Variants in KLF9 observed in about 807,000 individuals in gnomAD.
KLF9 encodes KLF transcription factor 9, also known as Krueppel-like factor 9.
KLF9 carries 2 observed loss-of-function variants against 17.3 expected under a neutral mutation model. The ratio of observed to expected loss-of-function variants is 0.12; its 90% CI spans 0.05 to 0.36. The LOEUF (loss-of-function observed/expected upper bound fraction) is 0.36, where lower values mean the gene tolerates loss of function less well. Among genes scored for constraint, KLF9 ranks in the 10% least tolerant of loss-of-function variants. The pLI is 1.00. For missense variants in KLF9, 226 were observed against 333.2 expected (o/e 0.68, Z 2.51); for synonymous variants, 138 against 139.2 (o/e 0.99, Z 0.06).
intron 1 of KLF9, among the ~76,000 whole-genome samples, chr9:70,408,984 C>CTA (rs559953663): frequency 4.7e-4 from 47 of 99,392 alleles, no homozygotes; most frequent in African/African-American, 9.5e-4. Flanking sequence ...TCCTTTTGCA[C>CTA]TATATATATA....
intron 1 of KLF9, among the ~76,000 whole-genome samples, chr9:70,406,904 A>G (rs2037259768): frequency 6.6e-6 from 1 of 151,946 alleles, no homozygotes; most frequent in Admixed American, 6.6e-5. Context: ...AGAGAGAAAA[A>G]AAAAAAAAGA....
chr9:70,409,308 C>T (rs1244377119), intron 1 of KLF9, among the ~76,000 whole-genome samples: 1 of 148,932 alleles, frequency 6.7e-6, no homozygotes, highest in African/African-American at 2.5e-5. Context: ...AATCCTATAA[C>T]CAGTGTTATC....
At chr9:70,412,555 G>A (rs777062568) in intron 1 of KLF9, among the ~76,000 whole-genome samples, 1 of 152,150 alleles carries the variant, frequency 6.6e-6, no homozygotes, top group South Asian at 2.1e-4. Context: ...CGCGGGGTGC[G>A]GGAGAGTCCC....
intron 1 of KLF9, among the ~76,000 whole-genome samples, chr9:70,395,107 T>C (rs567031249): frequency 6.6e-6 from 1 of 152,176 alleles, no homozygotes; most frequent in Non-Finnish European, 1.5e-5. Flanking sequence ...ATAATTAAGA[T>C]AGTGAGATAG....
chr9:70,394,723 T>C (rs962299656), intron 1 of KLF9, among the ~76,000 whole-genome samples: 6 of 152,236 alleles, frequency 3.9e-5, no homozygotes, highest in Admixed American at 3.9e-4. Context: ...CATTCACAGA[T>C]GTAACTGTAC....
rs2037362935 is a variant in KLF9 at position 70,414,426 on chromosome 9, T to A, written c.-1063A>T. The A allele has an allele frequency of 6.6e-6, 1 of 152,228 alleles. No individual in the cohort carries two copies. The highest frequency in any genetic ancestry group is 2.1e-4 in the South Asian group (1 of 4,830). 9.4% of individuals were successfully genotyped at this position (152,228 alleles called of 1,614,324 possible). ...CCAATCAAAAGTAAGTTGGTTGATGTCACTGGCATTGGCTCGGCCAATCAC... is the reference window on the plus strand; with the variant it reads ...CCAATCAAAAGTAAGTTGGTTGATGACACTGGCATTGGCTCGGCCAATCAC... On this transcript the variant is annotated 5_prime_UTR_variant, in exon 1 of 2. An upstream open reading frame in the 5' UTR loses its in-frame stop. Transcript: ENST00000377126.
intron 1 of KLF9, among the ~76,000 whole-genome samples, chr9:70,403,986 G>C (rs537586854): frequency 6.6e-6 from 1 of 152,214 alleles, no homozygotes; most frequent in Non-Finnish European, 1.5e-5. Flanking sequence ...GGAAACTCAA[G>C]GGGTCCAGAT....
At chr9:70,397,821 A>G (rs905647835) in intron 1 of KLF9, among the ~76,000 whole-genome samples, 1 of 152,152 alleles carries the variant, frequency 6.6e-6, no homozygotes, top group Admixed American at 6.5e-5. Context: ...GTCCATCACC[A>G]TCTGGCTTCT....
chr9:70,404,854 A>G (rs2037245878), intron 1 of KLF9, among the ~76,000 whole-genome samples: 1 of 152,208 alleles, frequency 6.6e-6, no homozygotes, highest in Non-Finnish European at 1.5e-5. Flanking sequence ...CAGAGAAGGT[A>G]AGTAGAGCCT....
At chr9:70,396,696 G>A (rs2037183721) in intron 1 of KLF9, among the ~76,000 whole-genome samples, 1 of 152,144 alleles carries the variant, frequency 6.6e-6, no homozygotes, top group African/African-American at 2.4e-5. Flanking sequence ...CTATCTACCA[G>A]TGAGGAGATA....
intron 1 of KLF9, among the ~76,000 whole-genome samples, chr9:70,409,072 GTATATATATACACATATA>G (rs1564089197): frequency 0.029 from 2,950 of 102,276 alleles, 216 homozygotes; most frequent in Non-Finnish European, 0.046. Context: ...ATATATATGT[GTATATATATACACATATA>G]TGTATATATA....
chr9:70,400,014 A>C (rs2037210884), intron 1 of KLF9, among the ~76,000 whole-genome samples: 1 of 152,220 alleles, frequency 6.6e-6, no homozygotes, highest in South Asian at 2.1e-4. Context: ...AGAGGTCTCT[A>C]AGAAATATCC....
intron 1 of KLF9, among the ~76,000 whole-genome samples, chr9:70,401,759 A>G (rs1455395819): frequency 1.3e-5 from 2 of 151,656 alleles, no homozygotes; most frequent in South Asian, 2.1e-4. Flanking sequence ...TCACGCCTGT[A>G]ATCCCAGCAC....
chr9:70,401,569 C>A (rs28866317), intron 1 of KLF9, among the ~76,000 whole-genome samples: 5,624 of 151,278 alleles, frequency 0.037, 146 homozygotes, highest in African/African-American at 0.071. Flanking sequence ...CACCTGTAAT[C>A]CCAGCTACTT....
chr9:70,401,684 C>T (rs80098711), intron 1 of KLF9, among the ~76,000 whole-genome samples: 1 of 50,940 alleles, frequency 2.0e-5, no homozygotes, highest in African/African-American at 1.3e-4. Flanking sequence ...AAGACTCCTT[C>T]ACAAAAAAAA....
intron 1 of KLF9, 84 bp downstream of exon 1, chr9:70,412,775 G>C (rs2118933397): frequency 1.5e-6 from 2 of 1,297,742 alleles, no homozygotes; most frequent in Admixed American, 2.3e-5. Context: ...TCGGCCGAGT[G>C]CAGTGTCCCG....
intron 1 of KLF9, among the ~76,000 whole-genome samples, chr9:70,410,685 T>A (rs2037305525): frequency 6.6e-6 from 1 of 152,156 alleles, no homozygotes; most frequent in Non-Finnish European, 1.5e-5. Context: ...CCAAATGCCA[T>A]CTCTGCCCAC....
chr9:70,387,629 A>G lies in KLF9; in HGVS notation c.*147T>C. 1.5e-6 allele frequency: 1 copy of G among 658,688 alleles called. No individual in the cohort carries two copies. Among genetic ancestry groups the G allele is most frequent in the East Asian group, 2.7e-5 (1 of 36,838 alleles). 40.8% of individuals were successfully genotyped at this position (658,688 alleles called of 1,614,324 possible). On this transcript the variant is annotated 3_prime_UTR_variant, in exon 2 of 2. Coordinates refer to ENST00000377126, the MANE Select transcript of KLF9 (RefSeq NM_001206.4). ...TGCTTTTTAAAAACAATGCAGGGAG[A>G]GGAAAATCAGAATATTGACCAAAGA...
At chr9:70,410,348 C>T (rs1471204576) in intron 1 of KLF9, among the ~76,000 whole-genome samples, 1 of 152,220 alleles carries the variant, frequency 6.6e-6, no homozygotes, top group Non-Finnish European at 1.5e-5. Context: ...CAGCAAGCCT[C>T]CAGTTTGCAA....
Sources: allele counts gnomAD v4.1 joint callset (sites outside exome capture counted in the v4.1 genomes callset), GRCh38; gene constraint gnomAD v4.1.1; transcripts MANE v1.5; gene names NCBI Gene and HGNC (gene_info 2026-07-23, HGNC 2026-07-21).